Variants in ERC2 observed in about 807,000 individuals in gnomAD.
The protein encoded by ERC2 is ELKS/RAB6-interacting/CAST family member 2.
Under a neutral mutation model 114.8 loss-of-function variants are expected in ERC2, and 42 were observed. The ratio of observed to expected loss-of-function variants is 0.37; its 90% CI spans 0.29 to 0.47. The LOEUF is 0.47. ERC2 is among the 20% of genes least tolerant of loss of function. ERC2 has a pLI of 0.99. For synonymous variants in ERC2, 454 were observed against 425.5 expected, an observed-to-expected ratio of 1.07 and a Z score of -0.82; for missense variants, 939 against 1,150.7, an observed-to-expected ratio of 0.82 and a Z score of 2.66.
chr3:56,254,275 C>A lies in ERC2; in HGVS notation c.1074+41744G>T, dbSNP rs978659399. On this transcript the variant is annotated intron_variant, in intron 3 of 17. Coordinates refer to ENST00000288221, the MANE Select transcript of ERC2 (RefSeq NM_015576.3). ...TTGGCTCCTCACATATTCTAAAGCA[C>A]CCCCCAACAACTATACTCAGCCCAA... Among the ~76,000 whole-genome samples, 7 of 152,316 alleles carry A rather than the reference C, an allele frequency of 4.6e-5. 1 individual carries two copies. The highest frequency in any genetic ancestry group is 9.6e-5 in the African/African-American group (4 of 41,574).
intron 15 of ERC2, among the ~76,000 whole-genome samples, chr3:55,707,993 A>C (rs147663992): frequency 6.6e-6 from 1 of 152,344 alleles, no homozygotes; most frequent in African/African-American, 2.4e-5. Context: ...TAACCAGTGC[A>C]TCCCACTGCT....
chr3:55,708,960 G>T (rs2063629661), intron 15 of ERC2, among the ~76,000 whole-genome samples: 1 of 152,150 alleles, frequency 6.6e-6, no homozygotes, highest in South Asian at 2.1e-4. Flanking sequence ...GACAGTGTTT[G>T]CAGGTATTGA....
chr3:55,723,808 C>G (rs971318658), intron 15 of ERC2, among the ~76,000 whole-genome samples: 1 of 152,184 alleles, frequency 6.6e-6, no homozygotes, highest in Non-Finnish European at 1.5e-5. Flanking sequence ...ATCAATATCA[C>G]TTTAACACAG....
At chr3:56,134,920 G>GT (rs147281232) in intron 6 of ERC2, among the ~76,000 whole-genome samples, 65,863 of 142,960 alleles carry the variant, frequency 0.46, 15,302 homozygotes, top group East Asian at 0.65. Flanking sequence ...CTTTTTTTTT[G>GT]TTTTTTTTTG....
intron 14 of ERC2, among the ~76,000 whole-genome samples, chr3:55,848,292 G>T (rs1300568583): frequency 6.6e-6 from 1 of 151,962 alleles, no homozygotes; most frequent in African/African-American, 2.4e-5. Context: ...GGTATTTTAT[G>T]AAGCTCCTGT....
intron 7 of ERC2, among the ~76,000 whole-genome samples, chr3:56,025,414 T>C (rs2073977961): frequency 6.6e-6 from 1 of 152,196 alleles, no homozygotes; most frequent in Non-Finnish European, 1.5e-5. Context: ...TTGGCTAAGT[T>C]CCCATCTTGA....
chr3:55,687,444 A>C (rs986935692), intron 16 of ERC2, among the ~76,000 whole-genome samples: 1 of 152,014 alleles, frequency 6.6e-6, no homozygotes, highest in Admixed American at 6.5e-5. Context: ...TCTTGAAATC[A>C]AAGAATTAAG....
chr3:56,432,676 A>G (rs1445707588), intron 2 of ERC2, among the ~76,000 whole-genome samples: 1 of 152,210 alleles, frequency 6.6e-6, no homozygotes, highest in Non-Finnish European at 1.5e-5. Flanking sequence ...TTAAACTCCA[A>G]AGGAGTGGTA....
chr3:56,111,768 A>G (rs1426050744), intron 6 of ERC2, among the ~76,000 whole-genome samples: 5 of 152,202 alleles, frequency 3.3e-5, no homozygotes, highest in Admixed American at 1.3e-4. Flanking sequence ...GAAAAGCCAA[A>G]TGGCTCATTA....
intron 14 of ERC2, among the ~76,000 whole-genome samples, chr3:55,872,998 G>A (rs2062656340): frequency 6.6e-6 from 1 of 152,124 alleles, no homozygotes; most frequent in Admixed American, 6.6e-5. Flanking sequence ...ACTGGGGGAG[G>A]GAAATTGACA....
At chr3:56,198,744 C>A (rs1201782190) in intron 3 of ERC2, among the ~76,000 whole-genome samples, 1 of 152,172 alleles carries the variant, frequency 6.6e-6, no homozygotes, top group African/African-American at 2.4e-5. Context: ...GGAGCGTGGA[C>A]TGGAGGTAAG....
chr3:56,363,698 T>A (rs1403973922), intron 2 of ERC2, among the ~76,000 whole-genome samples: 2 of 151,918 alleles, frequency 1.3e-5, no homozygotes, highest in African/African-American at 4.8e-5. Context: ...TGGGCAAAAC[T>A]ACAAATTAGT....
intron 4 of ERC2, among the ~76,000 whole-genome samples, chr3:56,170,243 C>G (rs144821280): frequency 6.6e-6 from 1 of 152,132 alleles, no homozygotes; most frequent in African/African-American, 2.4e-5. Flanking sequence ...AACTTCAGCC[C>G]CCAGGCTCAA....
chr3:55,565,345 A>G (rs2056298013), intron 17 of ERC2, among the ~76,000 whole-genome samples: 1 of 152,220 alleles, frequency 6.6e-6, no homozygotes, highest in Non-Finnish European at 1.5e-5. Flanking sequence ...AGATAGCTGT[A>G]TTCAGAAAAG....
intron 12 of ERC2, among the ~76,000 whole-genome samples, chr3:55,959,036 A>G (rs1239612200): frequency 1.3e-5 from 2 of 152,068 alleles, no homozygotes; most frequent in Non-Finnish European, 2.9e-5. Context: ...TGCAGCCAGT[A>G]TCTTTGCAGC....
intron 13 of ERC2, among the ~76,000 whole-genome samples, chr3:55,920,695 T>C (rs1196677112): frequency 6.6e-6 from 1 of 152,164 alleles, no homozygotes; most frequent in African/African-American, 2.4e-5. Flanking sequence ...TAAAGAAGGA[T>C]TTGAATGTAA....
At chr3:56,041,368 G>GT (rs1338359574) in intron 7 of ERC2, among the ~76,000 whole-genome samples, 1 of 152,132 alleles carries the variant, frequency 6.6e-6, no homozygotes, top group Admixed American at 6.5e-5. Flanking sequence ...TTTGGGGCTG[G>GT]TGATAGATTG....
At chr3:55,702,908 A>G (rs539748084) in intron 15 of ERC2, among the ~76,000 whole-genome samples, 1 of 152,210 alleles carries the variant, frequency 6.6e-6, no homozygotes, top group African/African-American at 2.4e-5. Context: ...GAACTCAGGG[A>G]CTCATTTAGC....
intron 8 of ERC2, among the ~76,000 whole-genome samples, chr3:56,014,106 TA>T (rs60994198): frequency 0.37 from 55,846 of 151,450 alleles, 11,438 homozygotes; most frequent in African/African-American, 0.54. Context: ...TATGAAAAGT[TA>T]AAAAAAAACA....
Sources: allele counts gnomAD v4.1 joint callset (sites outside exome capture counted in the v4.1 genomes callset), GRCh38; gene constraint gnomAD v4.1.1; transcripts MANE v1.5; gene names NCBI Gene and HGNC (gene_info 2026-07-23, HGNC 2026-07-21).